The following NRG1 variants were observed in gnomAD, a reference collection of about 807,000 sequenced individuals.
NRG1 encodes the protein pro-neuregulin-1, membrane-bound isoform.
NRG1 carries 18 observed loss-of-function variants against 63.8 expected under a neutral mutation model. The ratio of observed to expected loss-of-function variants is 0.28; its 90% CI spans 0.19 to 0.42. The LOEUF is 0.42. NRG1 is among the 10% of genes least tolerant of loss of function. The probability of loss-of-function intolerance (pLI) is 1.00; values close to 1 mark genes in which losing one functional copy is unlikely to be tolerated. For synonymous variants in NRG1, 302 were observed against 301.3 expected, an observed-to-expected ratio of 1.00 and a Z score of -0.02; for missense variants, 762 against 814.7, an observed-to-expected ratio of 0.94 and a Z score of 0.79.
At chr8:32,031,280 A>G (rs1818219344) in intron 1 of NRG1, among the ~76,000 whole-genome samples, 1 of 152,114 alleles carries the variant, frequency 6.6e-6, no homozygotes, top group South Asian at 2.1e-4. Context: ...CTCTCTTTCC[A>G]AAGGTAGGTA....
intron 2 of NRG1, among the ~76,000 whole-genome samples, chr8:32,597,123 A>C (rs1452020812): frequency 6.6e-6 from 1 of 152,188 alleles, no homozygotes; most frequent in African/African-American, 2.4e-5. Flanking sequence ...CCTTTAATCA[A>C]CGTGACATGT....
At chr8:32,639,081 A>G (rs1338826652) in intron 5 of NRG1, among the ~76,000 whole-genome samples, 1 of 152,072 alleles carries the variant, frequency 6.6e-6, no homozygotes, top group Admixed American at 6.5e-5. Flanking sequence ...ATTGTAAGAC[A>G]TTTTCTCTGG....
chr8:32,096,067 A>G (rs1829864995), intron 1 of NRG1, among the ~76,000 whole-genome samples: 1 of 152,182 alleles, frequency 6.6e-6, no homozygotes, highest in African/African-American at 2.4e-5. Context: ...ACAAATGCTC[A>G]GGTGTGAATG....
intron 1 of NRG1, among the ~76,000 whole-genome samples, chr8:31,742,454 AATTTTTT>A (rs1314683791): frequency 9.2e-4 from 40 of 43,264 alleles, no homozygotes; most frequent in African/African-American, 2.8e-3. Flanking sequence ...CTTTTTTAAG[AATTTTTT>A]TTTTTTTTTT....
intron 1 of NRG1, among the ~76,000 whole-genome samples, chr8:32,166,802 C>G (rs1168342112): frequency 6.6e-6 from 1 of 152,154 alleles, no homozygotes; most frequent in African/African-American, 2.4e-5. Context: ...GGAGGCTTAA[C>G]TGGCATTAAA....
At chr8:32,445,965 G>T (rs1336316822) in intron 1 of NRG1, among the ~76,000 whole-genome samples, 2 of 151,802 alleles carry the variant, frequency 1.3e-5, no homozygotes, top group Admixed American at 6.6e-5. Flanking sequence ...CTTCTATATG[G>T]TTAACAAGGC....
At chr8:32,486,879 C>T (rs1825966264) in intron 1 of NRG1, among the ~76,000 whole-genome samples, 1 of 152,116 alleles carries the variant, frequency 6.6e-6, no homozygotes, top group South Asian at 2.1e-4. Context: ...CTTGCCACAG[C>T]CTCCCAAAGT....
chr8:32,178,181 A>G (rs1563876368), intron 1 of NRG1, among the ~76,000 whole-genome samples: 1 of 152,148 alleles, frequency 6.6e-6, no homozygotes, highest in Non-Finnish European at 1.5e-5. Context: ...GGTTACTTAG[A>G]TTGAGAGAAG....
intron 11 of NRG1, chr8:32,763,337 A>G (rs1267727255): frequency 3.1e-6 from 5 of 1,613,868 alleles, no homozygotes; most frequent in African/African-American, 1.3e-5. Flanking sequence ...TTCATTCTCT[A>G]AGACCCCTTG....
intron 1 of NRG1, among the ~76,000 whole-genome samples, chr8:32,592,446 A>G (rs1842694252): frequency 6.6e-6 from 1 of 152,110 alleles, no homozygotes; most frequent in South Asian, 2.1e-4. Flanking sequence ...TCACATTTAC[A>G]GTCTTCTTTT....
intron 1 of NRG1, among the ~76,000 whole-genome samples, chr8:32,519,174 A>G (rs1830104166): frequency 6.6e-6 from 1 of 152,172 alleles, no homozygotes; most frequent in Non-Finnish European, 1.5e-5. Context: ...ATTAAAGTTA[A>G]TTTAGTTTTG....
intron 1 of NRG1, among the ~76,000 whole-genome samples, chr8:31,786,486 G>A (rs546001818): frequency 6.6e-6 from 1 of 152,244 alleles, no homozygotes; most frequent in South Asian, 2.1e-4. Context: ...TGTCTACCTG[G>A]AGATACAGTC....
chr8:32,400,364 T>C (rs117906031), intron 1 of NRG1, among the ~76,000 whole-genome samples: 8,702 of 152,202 alleles, frequency 0.057, 339 homozygotes, highest in Middle Eastern at 0.1. Context: ...AACCCTATAG[T>C]CTGAGCTACT....
chr8:32,330,087 T>C (rs1802472072), intron 1 of NRG1, among the ~76,000 whole-genome samples: 1 of 127,696 alleles, frequency 7.8e-6, no homozygotes, highest in Non-Finnish European at 1.6e-5. Context: ...AAAAAGTGTG[T>C]AGGGAAGGGG....
At chr8:32,366,673 GTGTGTATATA>G (rs1453053170) in intron 1 of NRG1, among the ~76,000 whole-genome samples, 16 of 42,974 alleles carry the variant, frequency 3.7e-4, no homozygotes, top group African/African-American at 1.4e-3. Flanking sequence ...GTGTGTGTGT[GTGTGTATATA>G]TATATATATA....
At chr8:32,173,587 A>T (rs1226588052) in intron 1 of NRG1, among the ~76,000 whole-genome samples, 1 of 152,310 alleles carries the variant, frequency 6.6e-6, no homozygotes, top group Middle Eastern at 3.4e-3. Context: ...TGCTGTATTC[A>T]GGAAACCCAT....
intron 1 of NRG1, among the ~76,000 whole-genome samples, chr8:32,412,923 A>G (rs1028457346): frequency 6.6e-6 from 1 of 152,182 alleles, no homozygotes; most frequent in Non-Finnish European, 1.5e-5. Context: ...AATAGGTACT[A>G]TTGTTTTGAT....
At chr8:31,929,536 CA>C (rs1299654712) in intron 1 of NRG1, among the ~76,000 whole-genome samples, 1 of 151,872 alleles carries the variant, frequency 6.6e-6, no homozygotes, top group Non-Finnish European at 1.5e-5. Flanking sequence ...TATGTAATGA[CA>C]TATATATAAT....
At chr8:32,098,527 C>A (rs773939737) in intron 1 of NRG1, among the ~76,000 whole-genome samples, 1 of 152,158 alleles carries the variant, frequency 6.6e-6, no homozygotes, top group Non-Finnish European at 1.5e-5. Context: ...TGTTTGAAGC[C>A]TTGACTCTAT....
Sources: gnomAD v4.1 joint callset for allele counts (sites outside exome capture counted in the v4.1 genomes callset) on GRCh38, gnomAD v4.1.1 for gene constraint, MANE v1.5 for transcripts, NCBI Gene and HGNC (gene_info 2026-07-23, HGNC 2026-07-21) for gene names.